PCDHGC3: variants seen among roughly 807,000 people sequenced by gnomAD.
The protein encoded by PCDHGC3 is protocadherin gamma-C3.
A neutral mutation model predicts 59.2 loss-of-function variants in PCDHGC3; 26 were observed. The observed-to-expected ratio is 0.44, with a 90% CI of 0.32 to 0.61. The LOEUF is 0.61. Among genes scored for constraint, PCDHGC3 ranks in the 20% least tolerant of loss-of-function variants. The probability of loss-of-function intolerance (pLI) is 0.05; values close to 1 mark genes in which losing one functional copy is unlikely to be tolerated. For missense variants in PCDHGC3, 1,080 were observed against 1,221.8 expected, an observed-to-expected ratio of 0.88 and a Z score of 1.73; for synonymous variants, 487 against 519.7, an observed-to-expected ratio of 0.94 and a Z score of 0.86.
Position 141,487,500 on chromosome 5 carries a change from C to G in PCDHGC3, c.2431-7307C>G. 6.2e-7 allele frequency: 1 copy of G among 1,614,178 alleles called. No individual in the cohort carries two copies. Among genetic ancestry groups the G allele is most frequent in the East Asian group, 2.2e-5 (1 of 44,862 alleles). Reference sequence around the variant, plus strand: ...CACTCTCATGGCTGTACACCCTTGGCTTCTGCACCCACTCGGAGTGATAGC... The same window carrying G: ...CACTCTCATGGCTGTACACCCTTGGGTTCTGCACCCACTCGGAGTGATAGC... On this transcript the variant is annotated intron_variant, in intron 1 of 3. Coordinates refer to ENST00000308177, the MANE Select transcript of PCDHGC3 (RefSeq NM_002588.4). The surrounding 1 kb of genome is among the most constrained non-coding windows in gnomAD (Gnocchi z 5.0).
chr5:141,490,421 C>T lies in PCDHGC3; in HGVS notation c.2431-4386C>T. On this transcript the variant is annotated intron_variant, in intron 1 of 3. Coordinates refer to ENST00000308177, the MANE Select transcript of PCDHGC3 (RefSeq NM_002588.4). The surrounding 1 kb of genome is among the most constrained non-coding windows in gnomAD (Gnocchi z 5.4). ...AGCCTTGATATCTCTCCGGACCTGCCATTTCAGATTAAGCCTTCTGAGAAC... is the reference window on the plus strand; with the variant it reads ...AGCCTTGATATCTCTCCGGACCTGCTATTTCAGATTAAGCCTTCTGAGAAC... 1 of 1,614,192 alleles carries T rather than the reference C, an allele frequency of 6.2e-7. No homozygotes were observed. The highest frequency in any genetic ancestry group is 8.5e-7 in the Non-Finnish European group (1 of 1,180,016).
rs2530208 is a variant in PCDHGC3, at chr5:141,478,419, G to A, written c.2303G>A (p.Arg768His). ...GTGTATCTCACCACGGACTCCCGCCGCAGCGACCCGCTGCTGAAGAAACCT... is the reference window on the plus strand; with the variant it reads ...GTGTATCTCACCACGGACTCCCGCCACAGCGACCCGCTGCTGAAGAAACCT... ...HQVYLTTDSR[R>H]SDPLLKKPGA... The change falls in exon 1 of 4, where the codon CGC becomes CAC. Residue 768 changes from arginine to histidine, a missense_variant. Transcript: ENST00000308177. 6 of 1,613,632 alleles carry A rather than the reference G, an allele frequency of 3.7e-6. No homozygotes were observed. The highest frequency in any genetic ancestry group is 2.2e-5 in the South Asian group (2 of 91,086).
chr5:141,489,314 G>T lies in PCDHGC3; in HGVS notation c.2431-5493G>T. ...TGCATGTTGTCCTTGTGCTGCTGGG[G>T]CTGGGTGTCTGGGCAGCTTCGTTAC... On this transcript the variant is annotated intron_variant, in intron 1 of 3. Transcript: ENST00000308177. This position sits in a 1 kb window ranked among gnomAD's most constrained non-coding sequence, Gnocchi z 4.5. 6.3e-7 allele frequency: 1 copy of T among 1,596,908 alleles called. No individual in the cohort carries two copies. The highest frequency in any genetic ancestry group is 8.5e-7 in the Non-Finnish European group (1 of 1,170,694).
At position 141,487,385 on chromosome 5, in the gene PCDHGC3, CGAA is replaced by C; in HGVS notation, c.2431-7420_2431-7418del. 6.2e-7 allele frequency: 1 copy of C among 1,614,160 alleles called. No individual in the cohort carries two copies. The highest frequency in any genetic ancestry group is 8.5e-7 in the Non-Finnish European group (1 of 1,180,046). On this transcript the variant is annotated intron_variant, in intron 1 of 3. Coordinates refer to ENST00000308177, the MANE Select transcript of PCDHGC3 (RefSeq NM_002588.4). The surrounding 1 kb of genome is among the most constrained non-coding windows in gnomAD (Gnocchi z 5.0). ...CACCTGTGCCTGTCTCACCAGATCTCGAAGGAGGGAGGGGCTTCCCCCTTCCAA... is the reference window on the plus strand; with the variant it reads ...CACCTGTGCCTGTCTCACCAGATCTCGGAGGGAGGGGCTTCCCCCTTCCAA...
chr5:141,501,130 G>C (rs528942194), intron 2 of PCDHGC3, among the ~76,000 whole-genome samples: 1 of 152,218 alleles, frequency 6.6e-6, no homozygotes, highest in South Asian at 2.1e-4. Flanking sequence ...GCCTCCCTAA[G>C]TGCTGGGATT....
At position 141,477,843 on chromosome 5, in the gene PCDHGC3, C is replaced by T; in HGVS notation, c.1727C>T (p.Ser576Leu). The T allele has an allele frequency of 6.2e-7, 1 of 1,613,408 alleles. No homozygotes were observed. Among genetic ancestry groups the T allele is most frequent in the Non-Finnish European group, 8.5e-7 (1 of 1,179,796 alleles). Residue 576 changes from serine (S) to leucine (L), a missense_variant, in exon 1 of 4, where the codon TCG (serine) becomes TTG (leucine). Coordinates refer to ENST00000308177, the MANE Select transcript of PCDHGC3 (RefSeq NM_002588.4). The surrounding 1 kb of genome is among the most constrained non-coding windows in gnomAD (Gnocchi z 4.9). ...QVLYPRPGGSSVEMLPRGTSA... is the reference protein window; with the variant it reads ...QVLYPRPGGSLVEMLPRGTSA... Reference sequence around the variant, plus strand: ...CTATATCCTCGGCCAGGTGGGAGCTCGGTGGAGATGCTGCCTCGAGGTACC... The same window carrying T: ...CTATATCCTCGGCCAGGTGGGAGCTTGGTGGAGATGCTGCCTCGAGGTACC...
At position 141,476,193 on chromosome 5, in the gene PCDHGC3, T is replaced by C. The variant is rs1224461188; in HGVS notation, c.77T>C (p.Leu26Ser). Residue 26 changes from leucine (L) to serine (S), a missense_variant, in exon 1 of 4, where the codon TTG becomes TCG. Physicochemically the swap from Leu to Ser is moderately radical, Grantham distance 145. Coordinates refer to ENST00000308177, the MANE Select transcript of PCDHGC3 (RefSeq NM_002588.4). The surrounding 1 kb of genome is among the most constrained non-coding windows in gnomAD (Gnocchi z 7.6). Reference protein sequence around the residue: ...VVGVLLLLGALNKASTVIHYE... With the variant: ...VVGVLLLLGASNKASTVIHYE... The stretch of plus-strand genomic sequence containing the variant: ...GGAGTTTTGCTTCTGCTTGGTGCCT[T>C]GAACAAGGCTTCCACGGTCATTCAC... The C allele has an allele frequency of 6.2e-7, 1 of 1,613,812 alleles. No homozygotes were observed. Among genetic ancestry groups the C allele is most frequent in the South Asian group, 1.1e-5 (1 of 91,068 alleles).
chr5:141,490,833 G>C lies in PCDHGC3; in HGVS notation c.2431-3974G>C, dbSNP rs781529579. ...ACTATGAATTGCTGCAGATGCTGCA[G>C]ATTGTGGTGGGGGTTCGAGACTCCG... On this transcript the variant is annotated intron_variant, in intron 1 of 3. Coordinates refer to ENST00000308177, the MANE Select transcript of PCDHGC3 (RefSeq NM_002588.4). This position sits in a 1 kb window ranked among gnomAD's most constrained non-coding sequence, Gnocchi z 5.4. The C allele has an allele frequency of 6.2e-7, 1 of 1,613,932 alleles. No homozygotes were observed. Among genetic ancestry groups the C allele is most frequent in the East Asian group, 2.2e-5 (1 of 44,884 alleles).
At position 141,476,124 on chromosome 5, in the gene PCDHGC3, C is replaced by T. The variant is rs1187643558; in HGVS notation, c.8C>T (p.Pro3Leu). 4 of 1,603,236 alleles carry T rather than the reference C, an allele frequency of 2.5e-6. No homozygotes were observed. Among genetic ancestry groups the T allele is most frequent in the Non-Finnish European group, 3.4e-6 (4 of 1,176,388 alleles). ...GAACTGCTTTTGAGTGAGATGGTCCCAGAGGCCTGGAGGAGCGGACTGGTA... is the reference window on the plus strand; with the variant it reads ...GAACTGCTTTTGAGTGAGATGGTCCTAGAGGCCTGGAGGAGCGGACTGGTA... MV[P>L]EAWRSGLVST... is the part of the protein sequence containing the mutation. Residue 3 changes from proline (P) to leucine (L), a missense_variant, in exon 1 of 4, where the codon CCA (proline) becomes CTA (leucine). Pro to Leu is a moderately conservative substitution (Grantham distance 98). Transcript: ENST00000308177. This position sits in a 1 kb window ranked among gnomAD's most constrained non-coding sequence, Gnocchi z 7.6.
intron 2 of PCDHGC3, among the ~76,000 whole-genome samples, chr5:141,501,057 C>T (rs185929124): frequency 9.7e-4 from 147 of 151,960 alleles, no homozygotes; most frequent in African/African-American, 3.4e-3. Context: ...TTAGTAGAGA[C>T]GGGGTTTCAC....
At chr5:141,510,525 G>A (rs545854649) in intron 3 of PCDHGC3, among the ~76,000 whole-genome samples, 1 of 152,316 alleles carries the variant, frequency 6.6e-6, no homozygotes, top group African/African-American at 2.4e-5. Context: ...ACAGCCCTGA[G>A]AGAAATACCA....
At chr5:141,503,010 A>AT (rs199924715) in intron 2 of PCDHGC3, among the ~76,000 whole-genome samples, 26,593 of 146,658 alleles carry the variant, frequency 0.18, 2,532 homozygotes, top group Admixed American at 0.29. Context: ...TGCCCGGTTA[A>AT]TTTTTTTTTT....
In PCDHGC3 at chr5:141,477,101, G is replaced by A. The variant is rs770640663; in HGVS notation, c.985G>A (p.Ala329Thr). Residue 329 changes from alanine (A) to threonine (T), a missense_variant, in exon 1 of 4, where the codon GCC (alanine) becomes ACC (threonine). Ala to Thr is a moderately conservative substitution (Grantham distance 58). Transcript: ENST00000308177. The surrounding 1 kb of genome is among the most constrained non-coding windows in gnomAD (Gnocchi z 4.9). ...EIYIQAKDKG[A>T]NPEGAHCKVL... ...TTACATCCAGGCCAAAGACAAGGGC[G>A]CCAATCCCGAAGGAGCACATTGCAA... 2 of 1,614,262 alleles carry A rather than the reference G, an allele frequency of 1.2e-6. No individual in the cohort carries two copies. Among genetic ancestry groups the A allele is most frequent in the East Asian group, 2.2e-5 (1 of 44,884 alleles).
Position 141,486,390 on chromosome 5 carries a change from C to T in PCDHGC3, c.2430+7844C>T. 6.2e-7 allele frequency: 1 copy of T among 1,614,138 alleles called. No homozygotes were observed. The highest frequency in any genetic ancestry group is 1.1e-5 in the South Asian group (1 of 91,084). On this transcript the variant is annotated intron_variant, in intron 1 of 3. Coordinates refer to ENST00000308177, the MANE Select transcript of PCDHGC3 (RefSeq NM_002588.4). This position sits in a 1 kb window ranked among gnomAD's most constrained non-coding sequence, Gnocchi z 5.0. ...AAGTCTGCCTTCAGGAACCAGTTCTCCCTGGTGACTGCTGGACCCTTGGAT... is the reference window on the plus strand; with the variant it reads ...AAGTCTGCCTTCAGGAACCAGTTCTTCCTGGTGACTGCTGGACCCTTGGAT...
At position 141,486,272 on chromosome 5, in the gene PCDHGC3, A is replaced by C. The variant is rs2099627166; in HGVS notation, c.2430+7726A>C. On this transcript the variant is annotated intron_variant, in intron 1 of 3. Transcript: ENST00000308177. The surrounding 1 kb of genome is among the most constrained non-coding windows in gnomAD (Gnocchi z 5.0). ...CCTCCCCGAGAGTGCAGAACCTGGC[A>C]CTGTGGTGGCACTTATCAGTGTGCA... 1 of 1,613,886 alleles carries C rather than the reference A, an allele frequency of 6.2e-7. No individual in the cohort carries two copies. Among genetic ancestry groups the C allele is most frequent in the Non-Finnish European group, 8.5e-7 (1 of 1,179,986 alleles).
intron 2 of PCDHGC3, among the ~76,000 whole-genome samples, chr5:141,497,501 C>T (rs1268186916): frequency 6.6e-6 from 1 of 151,182 alleles, no homozygotes; most frequent in Non-Finnish European, 1.5e-5. Flanking sequence ...TCTCTCCTCT[C>T]TCTGCTTCCT....
In PCDHGC3 at chr5:141,487,218, C is replaced by G. The variant is rs2099641338; in HGVS notation, c.2431-7589C>G. The stretch of plus-strand genomic sequence containing the variant: ...CCAGATCTTCGAGAATCTTCAGCTC[C>G]AAGGGAAGGAGAATCTCGTCTAACC... On this transcript the variant is annotated intron_variant, in intron 1 of 3. Transcript: ENST00000308177. The surrounding 1 kb of genome is among the most constrained non-coding windows in gnomAD (Gnocchi z 5.0). 1 of 1,613,820 alleles carries G rather than the reference C, an allele frequency of 6.2e-7. No homozygotes were observed. The highest frequency in any genetic ancestry group is 1.1e-5 in the South Asian group (1 of 91,078).
chr5:141,494,701 C>G, intron 1 of PCDHGC3, 106 bp from the exon 2 acceptor site: 1 of 1,594,596 alleles, frequency 6.3e-7, no homozygotes, highest in Non-Finnish European at 8.6e-7. Context: ...CCGTTTTCTT[C>G]TCTGTGCCCA....
chr5:141,478,604 T>C (rs1425759709), intron 1 of PCDHGC3, 58 bp downstream of exon 1: 2 of 1,562,580 alleles, frequency 1.3e-6, no homozygotes, highest in South Asian at 2.3e-5. Context: ...CTACATCATA[T>C]TGAGGAAGGA....
Sources: allele counts gnomAD v4.1 joint callset (sites outside exome capture counted in the v4.1 genomes callset), GRCh38; gene constraint gnomAD v4.1.1; non-coding constraint Gnocchi (gnomAD v3.1); transcripts MANE v1.5; gene names NCBI Gene and HGNC (gene_info 2026-07-23, HGNC 2026-07-21).